The following TAF7L variants were observed in gnomAD, a reference collection of about 807,000 sequenced individuals.
The protein encoded by TAF7L is TATA-box binding protein associated factor 7 like, also known as transcription initiation factor TFIID subunit 7-like.
Under a neutral mutation model 30.2 loss-of-function variants are expected in TAF7L, and 6 were observed. The ratio of observed to expected loss-of-function variants is 0.20; its 90% CI spans 0.11 to 0.39. The LOEUF is 0.39. TAF7L is among the 10% of genes least tolerant of loss of function. The pLI is 1.00. For missense variants in TAF7L, 284 were observed against 277.1 expected, an observed-to-expected ratio of 1.03 and a Z score of -0.18; for synonymous variants, 93 against 94.5, an observed-to-expected ratio of 0.98 and a Z score of 0.09.
In TAF7L at chrX:101,276,062, T is replaced by G. The variant is rs1449460155; in HGVS notation, c.964A>C (p.Ile322Leu). The G allele has an allele frequency of 8.3e-7, 1 of 1,207,695 alleles. No homozygotes were observed. Among genetic ancestry groups the G allele is most frequent in the Non-Finnish European group, 1.1e-6 (1 of 894,405 alleles). Reference sequence around the variant, plus strand: ...TTCTGTCTTTGTGCTTTATTCTGAATCTTATGGAGCTTTTTCTCCTTTTTC... The same window carrying G: ...TTCTGTCTTTGTGCTTTATTCTGAAGCTTATGGAGCTTTTTCTCCTTTTTC... ...IEKKEKKLHK[I>L]QNKAQRQKDL... Residue 322 changes from isoleucine to leucine, a missense_variant, in exon 11 of 13, where the codon ATT becomes CTT. Transcript: ENST00000356784.
chrX:101,280,328 T>C lies in TAF7L; in HGVS notation c.463-1293A>G, dbSNP rs751277121. On this transcript the variant is annotated intron_variant, in intron 6 of 12. Coordinates refer to ENST00000356784, the MANE Select transcript of TAF7L (RefSeq NM_001168474.2). ...AATAATAAAAAATCAATTTAGAAAA[T>C]AGGCAAAAGGCATGAGCAGACATTT... is the stretch of plus-strand genomic sequence containing the variant. 4.3e-3 allele frequency among the ~76,000 whole-genome samples: 475 copies of C among 111,300 alleles called. 1 individual carries two copies. The highest frequency in any genetic ancestry group is 7.0e-3 in the Non-Finnish European group (370 of 53,022).
chrX:101,283,642 G>A (rs1569511594), intron 3 of TAF7L, 59 bp from the exon 4 acceptor site: 1 of 1,153,691 alleles, frequency 8.7e-7, no homozygotes, highest in Non-Finnish European at 1.2e-6. Flanking sequence ...AACTTCCTAA[G>A]GTTTGAATAA....
At position 101,269,338 on chromosome X, in the gene TAF7L, A is replaced by G; in HGVS notation, c.1087-101T>C. ...AAATGAACCAAAAAGAACTACTGTT[A>G]TTTGGCATTTATAAGGTTATCTTAG... On this transcript the variant is annotated intron_variant, in intron 12 of 12. Transcript: ENST00000356784. 4.0e-6 allele frequency: 3 copies of G among 752,830 alleles called. No individual in the cohort carries two copies. In the Admixed American group the frequency reaches 7.5e-5, roughly 19 times the overall value. 62.0% of individuals were successfully genotyped at this position (752,830 alleles called of 1,213,427 possible). A position where few individuals can be genotyped will look rare whatever the true frequency, so the allele number is the denominator to read the frequency against.
chrX:101,278,144 A>T, intron 7 of TAF7L, 23 bp from the exon 8 acceptor site: 11 of 1,157,900 alleles, frequency 9.5e-6, no homozygotes, highest in Non-Finnish European at 1.3e-5. Context: ...TGGGGATTAG[A>T]GGGGGATACC....
At chrX:101,269,960 T>C (rs1349021129) in intron 12 of TAF7L, among the ~76,000 whole-genome samples, 4 of 111,703 alleles carry the variant, frequency 3.6e-5, no homozygotes, top group African/African-American at 1.3e-4. Flanking sequence ...AGTCAGATGA[T>C]AAAACAGTTG....
At chrX:101,275,816 T>C (rs1924145669) in intron 11 of TAF7L, among the ~76,000 whole-genome samples, 184 bp downstream of exon 11, 1 of 111,909 alleles carries the variant, frequency 8.9e-6, no homozygotes, top group Non-Finnish European at 1.9e-5. Flanking sequence ...AAAATGCTTA[T>C]ATTAGATGAT....
intron 4 of TAF7L, among the ~76,000 whole-genome samples, chrX:101,282,969 C>T (rs1337640178): frequency 9.1e-6 from 1 of 110,217 alleles, no homozygotes; most frequent in Non-Finnish European, 1.9e-5. Flanking sequence ...ACTATGTTGC[C>T]CAGGTTGGTC....
chrX:101,287,661 C>T (rs1924652725), intron 1 of TAF7L, 116 bp from the exon 2 acceptor site: 1 of 512,392 alleles, frequency 2.0e-6, no homozygotes, highest in Non-Finnish European at 3.4e-6. Context: ...TGCCCATAAT[C>T]CTCACTAGAA....
At chrX:101,290,113 C>A (rs948983611) in intron 1 of TAF7L, among the ~76,000 whole-genome samples, 1 of 109,954 alleles carries the variant, frequency 9.1e-6, no homozygotes, top group Non-Finnish European at 1.9e-5. Context: ...AGGAGAATTG[C>A]TTGAACCCAG....
rs944098517 is a variant in TAF7L at position 101,268,333 on chromosome X, A to T, written c.*860T>A. 2 of 112,278 alleles carry T rather than the reference A, an allele frequency of 1.8e-5. No individual in the cohort carries two copies. Among genetic ancestry groups the T allele is most frequent in the African/African-American group, 6.5e-5 (2 of 30,951 alleles). The allele number at this position is 112,278 out of a possible 1,213,427, so 9.3% of individuals were successfully genotyped here. A position where few individuals can be genotyped will look rare whatever the true frequency, so the allele number is the denominator to read the frequency against. ...TAATAATATACCTAGAAAAAAACCC[A>T]AACAAGATTGTTAAAGAAGTCTTCA... On this transcript the variant is annotated 3_prime_UTR_variant, in exon 13 of 13. Coordinates refer to ENST00000356784, the MANE Select transcript of TAF7L (RefSeq NM_001168474.2).
In TAF7L at chrX:101,278,105, T is replaced by A. The variant is rs1246073260; in HGVS notation, c.521A>T (p.Asp174Val). The change falls in exon 8 of 13, where the codon GAC (aspartate) becomes GTC (valine). Residue 174 changes from aspartate (D) to valine (V), a missense_variant. Coordinates refer to ENST00000356784, the MANE Select transcript of TAF7L (RefSeq NM_001168474.2). ...SSFTEYIESP[D>V]VENEVKRLLR... The stretch of plus-strand genomic sequence containing the variant: ...CAGTCTCTTTACTTCATTTTCCACG[T>A]CTGGAGATTCAATGTACTGAAGCAA... 1 of 1,208,763 alleles carries A rather than the reference T, an allele frequency of 8.3e-7. No individual in the cohort carries two copies. The highest frequency in any genetic ancestry group is 1.8e-5 in the African/African-American group (1 of 57,131).
At chrX:101,281,596 A>G (rs1924409512) in intron 6 of TAF7L, 124 bp downstream of exon 6, 3 of 665,201 alleles carry the variant, frequency 4.5e-6, no homozygotes, top group Non-Finnish European at 7.1e-6. Flanking sequence ...TTCACATTCA[A>G]TAAATGTTTA....
rs747313339 is a variant in TAF7L, at chrX:101,276,067, T to C, written c.959A>G (p.His320Arg). ...KQIEKKEKKL[H>R]KIQNKAQRQK... Reference sequence around the variant, plus strand: ...TCTTTGTGCTTTATTCTGAATCTTATGGAGCTTTTTCTCCTTTTTCTCAAT... The same window carrying C: ...TCTTTGTGCTTTATTCTGAATCTTACGGAGCTTTTTCTCCTTTTTCTCAAT... The change falls in exon 11 of 13, where the codon CAT (histidine) becomes CGT (arginine). Residue 320 changes from histidine to arginine, a missense_variant. By Grantham distance (29) the His-to-Arg change is conservative (BLOSUM62 0). Coordinates refer to ENST00000356784, the MANE Select transcript of TAF7L (RefSeq NM_001168474.2). The C allele has an allele frequency of 4.1e-6, 5 of 1,205,966 alleles. No individual in the cohort carries two copies. In the South Asian group the frequency reaches 5.4e-5, roughly 13 times the overall value.
chrX:101,275,932 G>C, intron 11 of TAF7L, 68 bp downstream of exon 11: 1 of 794,855 alleles, frequency 1.3e-6, no homozygotes, highest in Non-Finnish European at 1.8e-6. Context: ...GATAACATAA[G>C]TGGAAACACA....
intron 3 of TAF7L, among the ~76,000 whole-genome samples, chrX:101,284,709 T>A (rs187237791): frequency 0.015 from 1,679 of 111,624 alleles, 13 homozygotes; most frequent in Non-Finnish European, 0.024. Flanking sequence ...TTATCTTTTT[T>A]AAAAAATGTC....
chrX:101,280,426 C>G (rs1167416578), intron 6 of TAF7L, among the ~76,000 whole-genome samples: 1 of 111,905 alleles, frequency 8.9e-6, no homozygotes, highest in Admixed American at 9.6e-5. Flanking sequence ...ATTAATACTA[C>G]AATGGGATCA....
At chrX:101,276,200 C>T (rs1181272059) in intron 10 of TAF7L, 88 bp from the exon 11 acceptor site, 13 of 1,177,078 alleles carry the variant, frequency 1.1e-5, no homozygotes, top group African/African-American at 1.8e-5. Context: ...TACTACACAT[C>T]GAAGCGATAA....
chrX:101,277,608 G>A lies in TAF7L; in HGVS notation c.689C>T (p.Ser230Leu). ...MSSHKQGHTS[S>L]EYDMLREMFS... Reference sequence around the variant, plus strand: ...CTGCTTTGCCTTTACTAAAGTACCTGACGAGGTATGACCCTGCTTGTGGCT... The same window carrying A: ...CTGCTTTGCCTTTACTAAAGTACCTAACGAGGTATGACCCTGCTTGTGGCT... Residue 230 changes from serine to leucine, a missense_variant and splice_region_variant, in exon 9 of 13, where the codon TCA becomes TTA. Ser to Leu is a moderately radical substitution (Grantham distance 145, BLOSUM62 -2). Coordinates refer to ENST00000356784, the MANE Select transcript of TAF7L (RefSeq NM_001168474.2). 1.7e-6 allele frequency: 2 copies of A among 1,165,391 alleles called. No individual in the cohort carries two copies. The highest frequency in any genetic ancestry group is 2.3e-6 in the Non-Finnish European group (2 of 869,272).
upstream of TAF7L, chrX:101,293,075 T>C: frequency 8.3e-7 from 1 of 1,207,162 alleles, no homozygotes. Flanking sequence ...GTAAAATGGC[T>C]TCCTGTGTAG....
Sources: allele counts gnomAD v4.1 joint callset (sites outside exome capture counted in the v4.1 genomes callset), GRCh38; gene constraint gnomAD v4.1.1; transcripts MANE v1.5; gene names NCBI Gene and HGNC (gene_info 2026-07-23, HGNC 2026-07-21).